The following SPATA16 variants were observed in gnomAD, a reference collection of about 807,000 sequenced individuals.
SPATA16 encodes the protein spermatogenesis-associated protein 16.
In SPATA16, 36 loss-of-function variants were observed where a neutral mutation model predicts 63.3. The ratio of observed to expected loss-of-function variants is 0.57; its 90% CI spans 0.44 to 0.75. SPATA16 has a LOEUF of 0.75. Among genes scored for constraint, SPATA16 ranks in the 30% least tolerant of loss-of-function variants. The pLI is 0.00. For missense variants in SPATA16, 646 were observed against 679.3 expected (o/e 0.95, Z 0.54); for synonymous variants, 203 against 216.7 (o/e 0.94, Z 0.56).
chr3:172,971,338 A>G (rs1377604981), intron 5 of SPATA16, among the ~76,000 whole-genome samples: 1 of 152,246 alleles, frequency 6.6e-6, no homozygotes, highest in East Asian at 1.9e-4. Context: ...TTGTAAAACA[A>G]CTATGCCAAA....
At position 172,894,329 on chromosome 3, in the gene SPATA16, A is replaced by G. The variant is rs558956637; in HGVS notation, c.1588-4637T>C. On this transcript the variant is annotated intron_variant, in intron 10 of 10. Coordinates refer to ENST00000351008, the MANE Select transcript of SPATA16 (RefSeq NM_031955.6). ...CGGAGTTGTTTCTACTATTCATAAT[A>G]TAGCAGTTTCCTTTAGCTTTTGGCT... Among the ~76,000 whole-genome samples the G allele has an allele frequency of 3.3e-5, 5 of 152,294 alleles. No individual in the cohort carries two copies. The South Asian group carries it at 1.0e-3, about 32-fold the overall frequency.
intron 2 of SPATA16, among the ~76,000 whole-genome samples, chr3:173,073,147 C>T (rs527757979): frequency 6.6e-6 from 1 of 152,294 alleles, no homozygotes; most frequent in East Asian, 1.9e-4. Flanking sequence ...GCAAAGCATT[C>T]AAGAGGTGAC....
chr3:172,964,812 T>C (rs1212628302), intron 5 of SPATA16, among the ~76,000 whole-genome samples: 2 of 152,350 alleles, frequency 1.3e-5, no homozygotes, highest in East Asian at 3.9e-4. Flanking sequence ...GTACTGCTTT[T>C]TCTACTCAGA....
At chr3:173,016,339 A>G (rs1735186053) in intron 4 of SPATA16, among the ~76,000 whole-genome samples, 1 of 152,102 alleles carries the variant, frequency 6.6e-6, no homozygotes, top group Admixed American at 6.5e-5. Flanking sequence ...TCTCTTGTTG[A>G]GAGTTTGGGC....
chr3:173,068,524 T>G (rs1284188680), intron 2 of SPATA16, among the ~76,000 whole-genome samples: 1 of 152,038 alleles, frequency 6.6e-6, no homozygotes. Context: ...AGCAAGAAGT[T>G]AAAATATACT....
intron 1 of SPATA16, among the ~76,000 whole-genome samples, chr3:173,138,559 AAAAT>A (rs1560136566): frequency 6.6e-6 from 1 of 152,230 alleles, no homozygotes; most frequent in Non-Finnish European, 1.5e-5. Context: ...AGGTAAATCT[AAAAT>A]AAACAGCAAG....
At chr3:173,004,518 C>G (rs1734897189) in intron 4 of SPATA16, among the ~76,000 whole-genome samples, 1 of 151,688 alleles carries the variant, frequency 6.6e-6, no homozygotes. Flanking sequence ...GAGTCTTGAC[C>G]CTTCATCCTC....
At chr3:172,931,655 A>G (rs1328887806) in intron 6 of SPATA16, among the ~76,000 whole-genome samples, 1 of 152,202 alleles carries the variant, frequency 6.6e-6, no homozygotes, top group Non-Finnish European at 1.5e-5. Flanking sequence ...TAATGGTCCA[A>G]ATAAGAATAG....
chr3:173,093,583 T>C (rs1156959873), intron 2 of SPATA16, among the ~76,000 whole-genome samples: 1 of 152,166 alleles, frequency 6.6e-6, no homozygotes, highest in East Asian at 1.9e-4. Context: ...GATTACTATG[T>C]ATATGATGAT....
intron 1 of SPATA16, among the ~76,000 whole-genome samples, chr3:173,139,241 C>A (rs1408791438): frequency 6.6e-6 from 1 of 152,098 alleles, no homozygotes; most frequent in Non-Finnish European, 1.5e-5. Context: ...AAAAATTAGA[C>A]AATTAGAAAA....
chr3:172,919,791 C>T (rs1732578555), intron 8 of SPATA16, among the ~76,000 whole-genome samples: 1 of 151,654 alleles, frequency 6.6e-6, no homozygotes, highest in Non-Finnish European at 1.5e-5. Flanking sequence ...AATTCTCTTG[C>T]TTCAGCCTCC....
At chr3:172,935,206 A>G (rs1341034837) in intron 6 of SPATA16, among the ~76,000 whole-genome samples, 1 of 152,208 alleles carries the variant, frequency 6.6e-6, no homozygotes, top group Non-Finnish European at 1.5e-5. Context: ...GGTACGTGTC[A>G]ATAGTCCTAC....
chr3:172,963,068 T>C (rs1733826899), intron 5 of SPATA16, among the ~76,000 whole-genome samples: 1 of 152,144 alleles, frequency 6.6e-6, no homozygotes, highest in Non-Finnish European at 1.5e-5. Flanking sequence ...ATTTTTATGA[T>C]GATTTTAGTA....
intron 2 of SPATA16, among the ~76,000 whole-genome samples, chr3:173,055,259 C>T (rs1216669324): frequency 6.6e-6 from 1 of 152,160 alleles, no homozygotes; most frequent in Non-Finnish European, 1.5e-5. Context: ...TATGGAGAAA[C>T]TCAATAGTTG....
chr3:173,115,297 C>T (rs559045443), intron 2 of SPATA16, among the ~76,000 whole-genome samples: 4 of 152,046 alleles, frequency 2.6e-5, no homozygotes, highest in Non-Finnish European at 5.9e-5. Flanking sequence ...AGAAAAGATG[C>T]CTTTCTTTTT....
At chr3:172,977,351 G>A (rs752274810) in intron 4 of SPATA16, among the ~76,000 whole-genome samples, 10 of 152,062 alleles carry the variant, frequency 6.6e-5, no homozygotes, top group Admixed American at 2.0e-4. Context: ...TTTTGTTTTG[G>A]TTGGCCTATA....
intron 8 of SPATA16, among the ~76,000 whole-genome samples, chr3:172,921,177 C>T (rs1291685408): frequency 6.6e-6 from 1 of 151,510 alleles, no homozygotes; most frequent in Non-Finnish European, 1.5e-5. Context: ...GCTGGGATTA[C>T]AGGCAATTTT....
In SPATA16 at chr3:172,912,887, G is replaced by A. The variant is rs145588944; in HGVS notation, c.1587+774C>T. 1.8e-3 allele frequency among the ~76,000 whole-genome samples: 273 copies of A among 152,298 alleles called. 4 individuals are homozygous for A. The highest frequency in any genetic ancestry group is 5.1e-3 in the African/African-American group (212 of 41,568). On this transcript the variant is annotated intron_variant, in intron 10 of 10. Transcript: ENST00000351008. The stretch of plus-strand genomic sequence containing the variant: ...CAACTGTATATCACAGGGCCTCTGA[G>A]TTCATTACAAAAGACACGTGTTTCC...
At chr3:173,128,815 C>A (rs78571763) in intron 1 of SPATA16, among the ~76,000 whole-genome samples, 2,395 of 152,320 alleles carry the variant, frequency 0.016, 24 homozygotes, top group Non-Finnish European at 0.024. Flanking sequence ...TGCTACTTTT[C>A]TGGTGACGTA....
Sources: gnomAD v4.1 joint callset for allele counts (sites outside exome capture counted in the v4.1 genomes callset) on GRCh38, gnomAD v4.1.1 for gene constraint, MANE v1.5 for transcripts, NCBI Gene and HGNC (gene_info 2026-07-23, HGNC 2026-07-21) for gene names.